ACSM5: variants seen among roughly 807,000 people sequenced by gnomAD.
ACSM5 encodes the protein acyl-CoA synthetase medium chain family member 5.
In ACSM5, 56 loss-of-function variants were observed where a neutral mutation model predicts 71.6. That is an observed-to-expected ratio of 0.78 (90% CI 0.63 to 0.98). ACSM5 has a LOEUF of 0.98. Among genes scored for constraint, ACSM5 ranks in the 50% least tolerant of loss-of-function variants. The probability of loss-of-function intolerance (pLI) is 0.00; values close to 1 mark genes in which losing one functional copy is unlikely to be tolerated. For missense variants in ACSM5, 723 were observed against 726.0 expected (o/e 1.00, Z 0.05); for synonymous variants, 285 against 281.5 (o/e 1.01, Z -0.12).
chr16:20,410,672 G>A (rs190794919), intron 1 of ACSM5, among the ~76,000 whole-genome samples: 1 of 152,282 alleles, frequency 6.6e-6, no homozygotes, highest in Non-Finnish European at 1.5e-5. Flanking sequence ...GCTGCAGTGA[G>A]CTATGATGGC....
At chr16:20,414,611 A>G (rs1966853203) in intron 2 of ACSM5, among the ~76,000 whole-genome samples, 5 of 152,254 alleles carry the variant, frequency 3.3e-5, no homozygotes, top group Admixed American at 3.3e-4. Flanking sequence ...ATAATTTATT[A>G]CAGCAGCAAT....
intron 13 of ACSM5, among the ~76,000 whole-genome samples, 162 bp downstream of exon 13, chr16:20,440,081 A>G (rs574310483): frequency 4.6e-5 from 7 of 151,730 alleles, no homozygotes; most frequent in African/African-American, 1.4e-4. Context: ...CTTCACTTGG[A>G]TTCTCCCCAA....
rs541198699 is a variant in ACSM5 at position 20,435,737 on chromosome 16, G to C, written c.1309-1315G>C. On this transcript the variant is annotated intron_variant, in intron 10 of 13. Coordinates refer to ENST00000331849, the MANE Select transcript of ACSM5 (RefSeq NM_017888.3). ...CAAACTATTCCAGTTTATCTGTCTG[G>C]GTTCTTTTACTCAGTATGATGTTTC... is the stretch of plus-strand genomic sequence containing the variant. 1.1e-4 allele frequency among the ~76,000 whole-genome samples: 16 copies of C among 152,196 alleles called. No homozygotes were observed. In the South Asian group the frequency reaches 3.3e-3, roughly 32 times the overall value.
Position 20,418,268 on chromosome 16 carries a change from A to G in ACSM5, c.414A>G (p.Thr138=). 1.2e-6 allele frequency: 2 copies of G among 1,607,058 alleles called. No homozygotes were observed. The highest frequency in any genetic ancestry group is 2.2e-5 in the South Asian group (2 of 90,488). The change falls in exon 3 of 14, where the codon ACA becomes ACG. Residue 138 remains threonine (T), a splice_region_variant and synonymous_variant. Transcript: ENST00000331849. ...TGGTCAGTGTGGCTTGCATGCGGAC[A>G]GGTCAGTAAGCAGGGCTGGGAATTT... is the stretch of plus-strand genomic sequence containing the variant. The part of the protein sequence containing the change: ...WWLVSVACMR[T]GTVMIPGVTQ...
intron 2 of ACSM5, among the ~76,000 whole-genome samples, chr16:20,412,971 G>T (rs752370890): frequency 2.0e-5 from 3 of 152,176 alleles, no homozygotes; most frequent in Non-Finnish European, 4.4e-5. Context: ...AGCAGGATTT[G>T]CAGTCAGATA....
chr16:20,418,303 G>A, intron 3 of ACSM5, 34 bp downstream of exon 3: 1 of 1,579,162 alleles, frequency 6.3e-7, no homozygotes, highest in Non-Finnish European at 8.6e-7. Context: ...TTAGTTGGGG[G>A]CAGACACAAC....
At chr16:20,430,175 G>T (rs1242512353) in intron 8 of ACSM5, among the ~76,000 whole-genome samples, 1 of 148,930 alleles carries the variant, frequency 6.7e-6, no homozygotes, top group Admixed American at 6.7e-5. Context: ...ACAAAAAAAC[G>T]CTCGAACCCA....
Position 20,423,798 on chromosome 16 carries a change from C to T in ACSM5, c.768-118C>T, listed in dbSNP as rs1213744806. On this transcript the variant is annotated intron_variant, in intron 5 of 13. Transcript: ENST00000331849. Reference sequence around the variant, plus strand: ...TGACTTGATGGTCTTGTTCAGGTTTCACAAGTATAAGTGAGTACCCACTGA... The same window carrying T: ...TGACTTGATGGTCTTGTTCAGGTTTTACAAGTATAAGTGAGTACCCACTGA... The T allele has an allele frequency of 3.2e-6, 4 of 1,233,262 alleles. No individual in the cohort carries two copies. The Admixed American group carries it at 8.9e-5, about 27-fold the overall frequency. The allele number at this position is 1,233,262 out of a possible 1,614,324, so 76.4% of individuals were successfully genotyped here.
At chr16:20,410,931 A>G (rs1387321756) in intron 1 of ACSM5, among the ~76,000 whole-genome samples, 1 of 152,204 alleles carries the variant, frequency 6.6e-6, no homozygotes, top group Non-Finnish European at 1.5e-5. Flanking sequence ...AAAATAAATA[A>G]AAGTATGTAA....
At chr16:20,427,587 G>T (rs964978945) in intron 6 of ACSM5, among the ~76,000 whole-genome samples, 1 of 152,264 alleles carries the variant, frequency 6.6e-6, no homozygotes, top group African/African-American at 2.4e-5. Context: ...ACCCACTTTG[G>T]TATGAGGTGA....
chr16:20,411,769 G>A (rs760507521), intron 2 of ACSM5, 81 bp downstream of exon 2: 1 of 1,436,438 alleles, frequency 7.0e-7, no homozygotes, highest in Non-Finnish European at 9.7e-7. Context: ...AAGGCTCCAA[G>A]CATGTTGATG....
chr16:20,415,129 T>C (rs1226803431), intron 2 of ACSM5, among the ~76,000 whole-genome samples: 3 of 152,178 alleles, frequency 2.0e-5, no homozygotes, highest in Non-Finnish European at 4.4e-5. Context: ...TTGCTGGTTA[T>C]ATTACAATGC....
At chr16:20,418,613 ACT>A (rs1418262554) in intron 3 of ACSM5, among the ~76,000 whole-genome samples, 1 of 151,716 alleles carries the variant, frequency 6.6e-6, no homozygotes, top group East Asian at 1.9e-4. Flanking sequence ...GTAATTGAAA[ACT>A]CTGGATTTTT....
At chr16:20,439,674 C>T (rs1967275485) in intron 12 of ACSM5, 126 bp from the exon 13 acceptor site, 11 of 1,200,460 alleles carry the variant, frequency 9.2e-6, no homozygotes, top group Middle Eastern at 2.9e-4. Flanking sequence ...TTGGCTGTGC[C>T]CAAAAAAAAC....
At position 20,440,428 on chromosome 16, in the gene ACSM5, G is replaced by A. The variant is rs150576376; in HGVS notation, c.*1G>A. 2.7e-5 allele frequency: 43 copies of A among 1,609,818 alleles called. 1 individual carries two copies. Among genetic ancestry groups the A allele is most frequent in the Non-Finnish European group, 3.4e-5 (40 of 1,176,476 alleles). Reference sequence around the variant, plus strand: ...GCGAAGTCAGGAGTGGGGGAAATGAGGTGCACCCCAGGAAGGCCCCGTAGA... The same window carrying A: ...GCGAAGTCAGGAGTGGGGGAAATGAAGTGCACCCCAGGAAGGCCCCGTAGA... On this transcript the variant is annotated 3_prime_UTR_variant, in exon 14 of 14. Coordinates refer to ENST00000331849, the MANE Select transcript of ACSM5 (RefSeq NM_017888.3).
At chr16:20,437,621 CAGG>C (rs1312276651) in intron 12 of ACSM5, among the ~76,000 whole-genome samples, 20 of 128,422 alleles carry the variant, frequency 1.6e-4, no homozygotes, top group Admixed American at 1.3e-3. Flanking sequence ...GGCTATGGGG[CAGG>C]AGATCTTGGG....
rs1052812882 is a variant in ACSM5, at chr16:20,438,279, T to C, written c.1536+912T>C. ...AAAGTTAGTGCAACATTAGCCTGCA[T>C]TCTCAGAAGCATCAAGACCACAGGA... On this transcript the variant is annotated intron_variant, in intron 12 of 13. Coordinates refer to ENST00000331849, the MANE Select transcript of ACSM5 (RefSeq NM_017888.3). 3.9e-5 allele frequency among the ~76,000 whole-genome samples: 6 copies of C among 152,004 alleles called. 1 individual carries two copies. The highest frequency in any genetic ancestry group is 1.4e-4 in the African/African-American group (6 of 41,434).
At chr16:20,422,273 A>T (rs143853940) in intron 5 of ACSM5, among the ~76,000 whole-genome samples, 6,780 of 151,984 alleles carry the variant, frequency 0.045, 163 homozygotes, top group South Asian at 0.06. Flanking sequence ...CACCACACCC[A>T]GCTAATTTTT....
At chr16:20,433,093 A>C (rs1239670059) in intron 10 of ACSM5, among the ~76,000 whole-genome samples, 1 of 152,126 alleles carries the variant, frequency 6.6e-6, no homozygotes, top group Non-Finnish European at 1.5e-5. Context: ...TCTGGCCTCA[A>C]GTGATCTGCC....
Sources: allele counts gnomAD v4.1 joint callset (sites outside exome capture counted in the v4.1 genomes callset), GRCh38; gene constraint gnomAD v4.1.1; transcripts MANE v1.5; gene names NCBI Gene and HGNC (gene_info 2026-07-23, HGNC 2026-07-21).